The following MFSD11 variants were observed in gnomAD, a reference collection of about 807,000 sequenced individuals.
MFSD11 encodes UNC93-like protein MFSD11.
Under a neutral mutation model 53.5 loss-of-function variants are expected in MFSD11, and 36 were observed. The ratio of observed to expected loss-of-function variants is 0.67; its 90% CI spans 0.52 to 0.89. MFSD11 has a LOEUF of 0.89. Among genes scored for constraint, MFSD11 ranks in the 40% least tolerant of loss-of-function variants. MFSD11 has a pLI of 0.00. For missense variants in MFSD11, 530 were observed against 543.9 expected, an observed-to-expected ratio of 0.97 and a Z score of 0.25; for synonymous variants, 186 against 184.9, an observed-to-expected ratio of 1.01 and a Z score of -0.05.
chr17:76,747,613 G>A (rs1311514033), intron 7 of MFSD11, among the ~76,000 whole-genome samples: 6 of 151,828 alleles, frequency 4.0e-5, no homozygotes, highest in Non-Finnish European at 5.9e-5. Context: ...GATTACAGGC[G>A]TGAGCCACCG....
chr17:76,754,314 A>G (rs995736645), intron 8 of MFSD11: 10 of 486,368 alleles, frequency 2.1e-5, no homozygotes, highest in African/African-American at 1.6e-4. Context: ...GTGTGAGGGA[A>G]GTGGAAAGAG....
At chr17:76,764,427 C>T (rs569476985) in intron 8 of MFSD11, among the ~76,000 whole-genome samples, 69 of 152,236 alleles carry the variant, frequency 4.5e-4, no homozygotes, top group African/African-American at 1.5e-3. Flanking sequence ...CCTCCAGCCC[C>T]GGCAACCACT....
intron 12 of MFSD11, among the ~76,000 whole-genome samples, chr17:76,777,795 T>C (rs2081980913): frequency 6.6e-6 from 1 of 152,212 alleles, no homozygotes; most frequent in African/African-American, 2.4e-5. Flanking sequence ...TATTTCTTAC[T>C]CTGTACATTC....
chr17:76,750,517 C>T lies in MFSD11; in HGVS notation c.642-3530C>T, dbSNP rs373122722. Among the ~76,000 whole-genome samples the T allele has an allele frequency of 3.2e-4, 48 of 151,818 alleles. No homozygotes were observed. In the East Asian group the frequency reaches 7.8e-3, roughly 25 times the overall value. ...GGACTACAGGCTCCTGCCACACGCC[C>T]GGCTAATTTTTTGTATTTTTAGTAG... On this transcript the variant is annotated intron_variant, in intron 7 of 12. Coordinates refer to ENST00000685175, the MANE Select transcript of MFSD11 (RefSeq NM_001242532.5).
chr17:76,774,993 A>C lies in MFSD11; in HGVS notation c.875-4A>C. 1.2e-6 allele frequency: 2 copies of C among 1,612,354 alleles called. No individual in the cohort carries two copies. Among genetic ancestry groups the C allele is most frequent in the Non-Finnish European group, 1.7e-6 (2 of 1,179,180 alleles). On this transcript the variant is annotated splice_region_variant and splice_polypyrimidine_tract_variant and intron_variant, in intron 10 of 12. Transcript: ENST00000685175. ...AGTGACGTTTCTGCCATCTTGACTT[A>C]TAGGTGGAAGCCTCTTCGGCCTGCT... is the stretch of plus-strand genomic sequence containing the variant.
At chr17:76,768,160 C>T (rs1043657682) in intron 9 of MFSD11, among the ~76,000 whole-genome samples, 7 of 151,870 alleles carry the variant, frequency 4.6e-5, no homozygotes, top group African/African-American at 7.3e-5. Flanking sequence ...AAAAATTAGC[C>T]GAGTATGGTG....
intron 2 of MFSD11, among the ~76,000 whole-genome samples, chr17:76,739,709 G>A (rs980307985): frequency 6.6e-6 from 1 of 152,068 alleles, no homozygotes; most frequent in Non-Finnish European, 1.5e-5. Flanking sequence ...AGATTGGATC[G>A]TGGCACTCCC....
Position 76,738,206 on chromosome 17 carries a change from G to T in MFSD11, c.-147G>T. The T allele has an allele frequency of 1.6e-6, 1 of 624,852 alleles. No individual in the cohort carries two copies. Among genetic ancestry groups the T allele is most frequent in the South Asian group, 1.9e-5 (1 of 52,052 alleles). The allele number at this position is 624,852 out of a possible 1,614,324, so 38.7% of individuals were successfully genotyped here. On this transcript the variant is annotated 5_prime_UTR_variant, in exon 1 of 13. Transcript: ENST00000685175. Reference sequence around the variant, plus strand: ...CCCTAAACCTGGGGTTCCGATCCAGGAACTGGAAGTTGACAGCTTGGCTGC... The same window carrying T: ...CCCTAAACCTGGGGTTCCGATCCAGTAACTGGAAGTTGACAGCTTGGCTGC...
rs186499882 is a variant in MFSD11, at chr17:76,743,876, A to G, written c.496+420A>G. Among the ~76,000 whole-genome samples, 23 of 152,040 alleles carry G rather than the reference A, an allele frequency of 1.5e-4. No individual in the cohort carries two copies. The East Asian group carries it at 3.5e-3, about 23-fold the overall frequency. Reference sequence around the variant, plus strand: ...GTGATCCGCCCTCCTCAGCCTCCCAAATTGGTGGTATTACAGGCCTGAGCC... The same window carrying G: ...GTGATCCGCCCTCCTCAGCCTCCCAGATTGGTGGTATTACAGGCCTGAGCC... On this transcript the variant is annotated intron_variant, in intron 6 of 12. Coordinates refer to ENST00000685175, the MANE Select transcript of MFSD11 (RefSeq NM_001242532.5).
rs1368815723 is a variant in MFSD11, at chr17:76,776,619, G to T, written c.1185+78G>T. The T allele has an allele frequency of 1.5e-6, 2 of 1,319,324 alleles. No homozygotes were observed. Among genetic ancestry groups the T allele is most frequent in the Admixed American group, 2.6e-5 (1 of 38,124 alleles). 81.7% of individuals were successfully genotyped at this position (1,319,324 alleles called of 1,614,324 possible). ...ATTGCCTTGTTTTCCTTGGTTACTT[G>T]TATTGTGGTTTTAATTTTTATTTAT... On this transcript the variant is annotated intron_variant, in intron 12 of 12. Coordinates refer to ENST00000685175, the MANE Select transcript of MFSD11 (RefSeq NM_001242532.5). This position sits in a 1 kb window ranked among gnomAD's most constrained non-coding sequence, Gnocchi z 4.2.
intron 8 of MFSD11, among the ~76,000 whole-genome samples, chr17:76,759,402 T>G (rs1032665748): frequency 1.3e-5 from 2 of 150,890 alleles, no homozygotes; most frequent in African/African-American, 2.4e-5. Flanking sequence ...CCTGCCTCAA[T>G]CCCCTGAGTA....
At chr17:76,760,499 A>G (rs1039119916) in intron 8 of MFSD11, among the ~76,000 whole-genome samples, 1 of 151,734 alleles carries the variant, frequency 6.6e-6, no homozygotes, top group Non-Finnish European at 1.5e-5. Context: ...CTGTGTAAGT[A>G]AAGTGCAAAT....
intron 7 of MFSD11, among the ~76,000 whole-genome samples, chr17:76,751,647 C>G (rs2079060989): frequency 6.6e-6 from 1 of 150,992 alleles, no homozygotes; most frequent in South Asian, 2.1e-4. Context: ...CTACACTGAG[C>G]CATGATTGTG....
At chr17:76,788,006 T>G in the MFSD11 span, among the ~76,000 whole-genome samples, 2 of 145,954 alleles carry the variant, frequency 1.4e-5, no homozygotes, top group African/African-American at 5.3e-5. Flanking sequence ...CTTTTTTTGT[T>G]GTTTGTTTGT....
Position 76,749,666 on chromosome 17 carries a change from C to T in MFSD11, c.642-4381C>T, listed in dbSNP as rs536786396. 2.6e-5 allele frequency among the ~76,000 whole-genome samples: 4 copies of T among 152,064 alleles called. No homozygotes were observed. The East Asian group carries it at 5.8e-4, about 22-fold the overall frequency. The stretch of plus-strand genomic sequence containing the variant: ...CAGCACTTTGGGAGGCCGAGGTGGG[C>T]GGATCACGAGGTCAGGAGATCGAGA... On this transcript the variant is annotated intron_variant, in intron 7 of 12. Coordinates refer to ENST00000685175, the MANE Select transcript of MFSD11 (RefSeq NM_001242532.5).
intron 7 of MFSD11, among the ~76,000 whole-genome samples, chr17:76,747,750 G>A (rs961771684): frequency 1.3e-5 from 2 of 152,196 alleles, no homozygotes; most frequent in East Asian, 1.9e-4. Flanking sequence ...TTTGGTGTTG[G>A]TCCTAGAGGA....
chr17:76,749,923 G>C (rs1030615289), intron 7 of MFSD11, among the ~76,000 whole-genome samples: 2 of 151,148 alleles, frequency 1.3e-5, no homozygotes, highest in African/African-American at 4.9e-5. Context: ...AAGCAATAGA[G>C]AAATATGAGG....
chr17:76,799,934 C>G, the MFSD11 span, among the ~76,000 whole-genome samples: 1 of 148,352 alleles, frequency 6.7e-6, no homozygotes, highest in Non-Finnish European at 1.5e-5. Flanking sequence ...CTTTTCTTCT[C>G]TTTTTTTCTT....
intron 8 of MFSD11, among the ~76,000 whole-genome samples, chr17:76,757,608 T>C (rs1452751755): frequency 2.0e-5 from 3 of 152,226 alleles, no homozygotes; most frequent in Admixed American, 6.5e-5. Context: ...TTTATACGTT[T>C]AGTGTGCTTC....
Sources: allele counts gnomAD v4.1 joint callset (sites outside exome capture counted in the v4.1 genomes callset), GRCh38; gene constraint gnomAD v4.1.1; non-coding constraint Gnocchi (gnomAD v3.1); transcripts MANE v1.5; gene names NCBI Gene and HGNC (gene_info 2026-07-23, HGNC 2026-07-21).